TCF4: variants seen among roughly 807,000 people sequenced by gnomAD.
The protein encoded by TCF4 is transcription factor 4.
A neutral mutation model predicts 82.1 loss-of-function variants in TCF4; 3 were observed. The observed-to-expected ratio is 0.04, with a 90% CI of 0.02 to 0.09. The LOEUF (loss-of-function observed/expected upper bound fraction) is 0.09, where lower values mean the gene tolerates loss of function less well. Ranked by LOEUF, TCF4 falls within the 10% of genes least tolerant of loss-of-function variation. The pLI, the probability that TCF4 is intolerant of heterozygous loss-of-function variation, is 1.00. For missense variants in TCF4, 518 were observed against 852.7 expected (o/e 0.61, Z 4.89); for synonymous variants, 276 against 309.6 (o/e 0.89, Z 1.14).
intron 2 of TCF4, chr18:55,586,229 A>AGCTACTCCTGTTTACG: frequency 8.2e-6 from 8 of 977,732 alleles, no homozygotes; most frequent in Non-Finnish European, 9.0e-6. Flanking sequence ...CAGCAGCAGC[A>AGCTACTCCTGTTTACG]TGAAAGAGCC....
chr18:55,307,295 T>C (rs1001452289), intron 8 of TCF4, among the ~76,000 whole-genome samples: 4 of 152,248 alleles, frequency 2.6e-5, no homozygotes, highest in African/African-American at 7.2e-5. Flanking sequence ...TATGGTCTTA[T>C]GACAAATGTC....
At chr18:55,546,093 T>C (rs1470595729) in intron 3 of TCF4, among the ~76,000 whole-genome samples, 2 of 152,034 alleles carry the variant, frequency 1.3e-5, no homozygotes, top group African/African-American at 2.4e-5. Context: ...CTCAGCACTT[T>C]GGGAGGCCGA....
intron 15 of TCF4, among the ~76,000 whole-genome samples, chr18:55,237,205 C>A (rs1393677333): frequency 6.6e-6 from 1 of 151,960 alleles, no homozygotes; most frequent in Non-Finnish European, 1.5e-5. Flanking sequence ...GTTCAAGAAC[C>A]CCCTCAAAAC....
At chr18:55,617,115 T>G (rs1038807607) in intron 2 of TCF4, among the ~76,000 whole-genome samples, 7 of 152,142 alleles carry the variant, frequency 4.6e-5, no homozygotes, top group African/African-American at 1.7e-4. Flanking sequence ...AATCTCAAAT[T>G]TTCCTGTGTA....
intron 5 of TCF4, among the ~76,000 whole-genome samples, chr18:55,406,652 TATGTCAGGC>T (rs1414162178): frequency 6.6e-6 from 1 of 152,218 alleles, no homozygotes; most frequent in African/African-American, 2.4e-5. Flanking sequence ...GTGTTTACTC[TATGTCAGGC>T]ATGGATTTTT....
chr18:55,395,530 T>C (rs530705254), intron 6 of TCF4, among the ~76,000 whole-genome samples: 4 of 152,366 alleles, frequency 2.6e-5, no homozygotes, highest in South Asian at 2.1e-4. Context: ...ACTGTTGTTG[T>C]ATAAAACTTG....
chr18:55,348,224 A>AT (rs1042976457), intron 8 of TCF4, among the ~76,000 whole-genome samples: 11 of 152,278 alleles, frequency 7.2e-5, no homozygotes, highest in East Asian at 3.9e-4. Flanking sequence ...TAGAGCTGGG[A>AT]TTTTTTTAGG....
At chr18:55,436,331 G>C (rs2095328987) in intron 5 of TCF4, among the ~76,000 whole-genome samples, 1 of 152,090 alleles carries the variant, frequency 6.6e-6, no homozygotes, top group African/African-American at 2.4e-5. Context: ...AAATAAAACA[G>C]CTTTAATTCC....
intron 3 of TCF4, among the ~76,000 whole-genome samples, chr18:55,533,123 A>C (rs1047887756): frequency 6.6e-6 from 1 of 152,190 alleles, no homozygotes; most frequent in African/African-American, 2.4e-5. Context: ...TACATGTTTA[A>C]CTATCCTTAA....
chr18:55,477,012 C>T (rs2924330), intron 3 of TCF4, among the ~76,000 whole-genome samples: 152,083 of 152,336 alleles, frequency 1, 75,915 homozygotes, highest in Middle Eastern at 1. Flanking sequence ...TTCTTGATAT[C>T]AATGATGGTG....
intron 3 of TCF4, among the ~76,000 whole-genome samples, chr18:55,473,072 T>A (rs1319501586): frequency 6.6e-6 from 1 of 152,232 alleles, no homozygotes; most frequent in Non-Finnish European, 1.5e-5. Flanking sequence ...ATCCATAATA[T>A]TGTAATGACT....
chr18:55,500,133 G>A (rs373448195), intron 3 of TCF4, among the ~76,000 whole-genome samples: 4 of 152,252 alleles, frequency 2.6e-5, no homozygotes, highest in South Asian at 4.1e-4. Flanking sequence ...AGTGAGCCAA[G>A]ATTGTGCCAT....
intron 3 of TCF4, among the ~76,000 whole-genome samples, chr18:55,495,310 GAAAA>G (rs775843147): frequency 1.6e-5 from 2 of 125,580 alleles, no homozygotes; most frequent in Non-Finnish European, 1.7e-5. Context: ...AGGTATTTGG[GAAAA>G]AAAAAAAAAA....
chr18:55,300,485 G>A (rs546247092), intron 8 of TCF4, among the ~76,000 whole-genome samples: 5 of 152,094 alleles, frequency 3.3e-5, no homozygotes, highest in South Asian at 4.2e-4. Flanking sequence ...TTCCACAAGC[G>A]AAGCACATTA....
At chr18:55,542,829 A>G (rs1191039368) in intron 3 of TCF4, among the ~76,000 whole-genome samples, 1 of 152,052 alleles carries the variant, frequency 6.6e-6, no homozygotes, top group Non-Finnish European at 1.5e-5. Context: ...AGAAAAACTC[A>G]ACAGATACCG....
At chr18:55,456,632 T>C (rs1000873491) in intron 5 of TCF4, among the ~76,000 whole-genome samples, 3 of 152,240 alleles carry the variant, frequency 2.0e-5, no homozygotes, top group Non-Finnish European at 4.4e-5. Context: ...CTAGAAAATA[T>C]ATTGTCTACC....
rs375140529 is a variant in TCF4 at position 55,227,248 on chromosome 18, C to CA, written c.*786dup. ...CCAGGGAAAGGGACAGAAATAAGAC[C>CA]AAAAAAAAAAAAATCCATATTTACA... On this transcript the variant is annotated 3_prime_UTR_variant, in exon 20 of 20. Transcript: ENST00000354452. 0.066 allele frequency: 8,432 copies of CA among 127,500 alleles called. 633 individuals are homozygous for CA. The highest frequency in any genetic ancestry group is 0.19 in the African/African-American group (6,922 of 35,880). The allele number at this position is 127,500 out of a possible 1,614,324, so 7.9% of individuals were successfully genotyped here. A position where few individuals can be genotyped will look rare whatever the true frequency, so the allele number is the denominator to read the frequency against.
intron 8 of TCF4, among the ~76,000 whole-genome samples, chr18:55,286,333 T>C (rs1298277463): frequency 6.6e-6 from 1 of 151,924 alleles, no homozygotes; most frequent in Non-Finnish European, 1.5e-5. Flanking sequence ...TGTTCCTTTC[T>C]CTTTCATGTT....
At chr18:55,433,012 C>A (rs956613615) in intron 5 of TCF4, among the ~76,000 whole-genome samples, 6 of 152,156 alleles carry the variant, frequency 3.9e-5, no homozygotes, top group Admixed American at 3.9e-4. Context: ...TAGCAGTGTG[C>A]TGAAATACAT....
Sources: gnomAD v4.1 joint callset for allele counts (sites outside exome capture counted in the v4.1 genomes callset) on GRCh38, gnomAD v4.1.1 for gene constraint, MANE v1.5 for transcripts, NCBI Gene and HGNC (gene_info 2026-07-23, HGNC 2026-07-21) for gene names.